KALRN: variants seen among roughly 807,000 people sequenced by gnomAD.
The protein encoded by KALRN is kalirin.
In KALRN, 70 loss-of-function variants were observed where a neutral mutation model predicts 353.7. That is an observed-to-expected ratio of 0.20 (90% CI 0.16 to 0.24). The LOEUF (loss-of-function observed/expected upper bound fraction) is 0.24. Ranked by LOEUF, KALRN falls within the 10% of genes least tolerant of loss-of-function variation. KALRN has a pLI of 1.00. For missense variants in KALRN, 2,791 were observed against 3,756.7 expected, an observed-to-expected ratio of 0.74 and a Z score of 6.72; for synonymous variants, 1,391 against 1,434.8, an observed-to-expected ratio of 0.97 and a Z score of 0.69.
chr3:124,548,951 G>A (rs2070077373), intron 33 of KALRN, among the ~76,000 whole-genome samples: 1 of 152,172 alleles, frequency 6.6e-6, no homozygotes, highest in African/African-American at 2.4e-5. Flanking sequence ...ACCGTGCCTG[G>A]TCCCATGCAT....
At chr3:124,114,336 T>A (rs1441815449) in intron 1 of KALRN, among the ~76,000 whole-genome samples, 1 of 152,190 alleles carries the variant, frequency 6.6e-6, no homozygotes, top group South Asian at 2.1e-4. Context: ...CTTTAGCCAA[T>A]GCCGTGGGCT....
At chr3:124,410,530 G>A (rs1405975551) in intron 13 of KALRN, among the ~76,000 whole-genome samples, 1 of 152,210 alleles carries the variant, frequency 6.6e-6, no homozygotes, top group East Asian at 1.9e-4. Context: ...AAAAAGGGCA[G>A]AAGACTTGAA....
chr3:124,399,207 G>T (rs573831279), intron 13 of KALRN, among the ~76,000 whole-genome samples: 2 of 152,078 alleles, frequency 1.3e-5, no homozygotes, highest in Non-Finnish European at 2.9e-5. Context: ...GGCGCGATCT[G>T]GGCTCACTGC....
chr3:124,069,081 G>A (rs768147389), intron 1 of KALRN, among the ~76,000 whole-genome samples: 14 of 152,202 alleles, frequency 9.2e-5, no homozygotes, highest in African/African-American at 1.7e-4. Context: ...CCCTCCACAC[G>A]TTTGGTATAA....
intron 1 of KALRN, among the ~76,000 whole-genome samples, chr3:124,054,357 T>TTAAAAATAAAAA (rs58523343): frequency 0.022 from 3,009 of 136,960 alleles, 112 homozygotes; most frequent in African/African-American, 0.069. Flanking sequence ...ACCCCATCAC[T>TTAAAAATAAAAA]TAAAAATAAA....
At chr3:124,672,715 A>C (rs1053026158) in intron 48 of KALRN, among the ~76,000 whole-genome samples, 15 of 152,240 alleles carry the variant, frequency 9.9e-5, no homozygotes, top group Non-Finnish European at 2.1e-4. Context: ...AGGTAGGTAG[A>C]ACAGGAGAGA....
chr3:124,229,295 T>A (rs570636214), intron 2 of KALRN, among the ~76,000 whole-genome samples: 2 of 152,332 alleles, frequency 1.3e-5, no homozygotes, highest in South Asian at 4.1e-4. Flanking sequence ...GCAGTTGTTC[T>A]CAAACAATAA....
chr3:124,287,417 C>T (rs1031580438), intron 5 of KALRN, among the ~76,000 whole-genome samples: 2 of 152,054 alleles, frequency 1.3e-5, no homozygotes. Flanking sequence ...GCCTCCTTAC[C>T]AGTCCCTGAA....
intron 33 of KALRN, among the ~76,000 whole-genome samples, chr3:124,547,047 A>C (rs1483826109): frequency 6.6e-6 from 1 of 152,250 alleles, no homozygotes; most frequent in Non-Finnish European, 1.5e-5. Context: ...TCTTCCTTTT[A>C]GAAACCAAAT....
At chr3:124,199,266 C>T (rs1335109249) in intron 1 of KALRN, among the ~76,000 whole-genome samples, 4 of 152,208 alleles carry the variant, frequency 2.6e-5, no homozygotes, top group Non-Finnish European at 5.9e-5. Flanking sequence ...GCCAGGGCTC[C>T]AGAGCCCATT....
At position 124,620,821 on chromosome 3, in the gene KALRN, A is replaced by G. The variant is rs549756649; in HGVS notation, c.5183-11599A>G. Reference sequence around the variant, plus strand: ...TCCTCCCTCTGTCTCTGACTCAGACAGAGGATTACACAGGAGAACCCGAGG... The same window carrying G: ...TCCTCCCTCTGTCTCTGACTCAGACGGAGGATTACACAGGAGAACCCGAGG... On this transcript the variant is annotated intron_variant, in intron 34 of 59. Coordinates refer to ENST00000682506, the MANE Select transcript of KALRN (RefSeq NM_001388419.1). 3.0e-4 allele frequency among the ~76,000 whole-genome samples: 45 copies of G among 152,346 alleles called. 2 individuals are homozygous for G. The South Asian group carries it at 8.3e-3, about 28-fold the overall frequency.
chr3:124,706,053 C>T (rs191340797), intron 57 of KALRN, among the ~76,000 whole-genome samples: 2 of 152,200 alleles, frequency 1.3e-5, no homozygotes, highest in Admixed American at 1.3e-4. Flanking sequence ...ACTACAGACA[C>T]ACACCATTAT....
intron 1 of KALRN, among the ~76,000 whole-genome samples, chr3:124,156,041 A>C (rs2068935451): frequency 6.6e-6 from 1 of 152,158 alleles, no homozygotes; most frequent in African/African-American, 2.4e-5. Context: ...ATCCAGCTTA[A>C]ACTATGGAGA....
chr3:124,137,386 G>C (rs2149750475), intron 1 of KALRN, among the ~76,000 whole-genome samples: 1 of 152,284 alleles, frequency 6.6e-6, no homozygotes, highest in Admixed American at 6.5e-5. Flanking sequence ...GTCCTGGCAG[G>C]ATGAGTGAGT....
At chr3:124,133,451 T>C (rs1334867456) in intron 1 of KALRN, among the ~76,000 whole-genome samples, 2 of 152,248 alleles carry the variant, frequency 1.3e-5, no homozygotes, top group Admixed American at 1.3e-4. Flanking sequence ...ATGTTTAGTG[T>C]CTGCTAGAAT....
intron 32 of KALRN, among the ~76,000 whole-genome samples, chr3:124,495,842 C>A (rs1471334310): frequency 1.4e-5 from 2 of 146,316 alleles, no homozygotes; most frequent in Admixed American, 6.8e-5. Flanking sequence ...AACTTGAATA[C>A]CCTGAATTTG....
intron 13 of KALRN, among the ~76,000 whole-genome samples, chr3:124,412,821 G>A (rs1271252850): frequency 6.6e-6 from 1 of 152,192 alleles, no homozygotes; most frequent in Non-Finnish European, 1.5e-5. Flanking sequence ...GTCAACCTTT[G>A]TAATAGAAGG....
intron 39 of KALRN, among the ~76,000 whole-genome samples, chr3:124,656,823 T>C (rs772227053): frequency 6.6e-6 from 1 of 152,176 alleles, no homozygotes; most frequent in Non-Finnish European, 1.5e-5. Context: ...AAGTTATTCT[T>C]GTCTTTTTGT....
chr3:124,230,502 C>T (rs574963413), intron 2 of KALRN, among the ~76,000 whole-genome samples: 1 of 152,260 alleles, frequency 6.6e-6, no homozygotes, highest in African/African-American at 2.4e-5. Context: ...TCAGTCAGAG[C>T]CCTGGGCAGA....
Sources: allele counts gnomAD v4.1 joint callset (sites outside exome capture counted in the v4.1 genomes callset), GRCh38; gene constraint gnomAD v4.1.1; transcripts MANE v1.5; gene names NCBI Gene and HGNC (gene_info 2026-07-23, HGNC 2026-07-21).